The following ADGRE3 variants were observed in gnomAD, a reference collection of about 807,000 sequenced individuals.
ADGRE3 encodes the protein adhesion G protein-coupled receptor E3.
In ADGRE3, 88 loss-of-function variants were observed where a neutral mutation model predicts 80.1. The observed-to-expected ratio is 1.10, with a 90% CI of 0.93 to 1.31. The LOEUF is 1.31. Ranked by LOEUF, ADGRE3 falls within the 40% of genes most tolerant of loss-of-function variation. The pLI, the probability that ADGRE3 is intolerant of heterozygous loss-of-function variation, is 0.00. For synonymous variants in ADGRE3, 281 were observed against 294.8 expected (o/e 0.95, Z 0.48); for missense variants, 715 against 776.5 (o/e 0.92, Z 0.94).
chr19:14,612,946 GAC>G, the ADGRE3 span, among the ~76,000 whole-genome samples: 79 of 147,726 alleles, frequency 5.3e-4, 1 homozygote, highest in Non-Finnish European at 1.0e-4. Flanking sequence ...TTTTTTTTGT[GAC>G]AGAGTCTTGC....
chr19:14,611,253 A>G, the ADGRE3 span: 1 of 151,968 alleles, frequency 6.6e-6, no homozygotes, highest in East Asian at 1.9e-4. Context: ...CAAATAACCC[A>G]GAAACCATCA....
chr19:14,670,606 C>T (rs8112777), intron 1 of ADGRE3, among the ~76,000 whole-genome samples: 9,725 of 152,212 alleles, frequency 0.064, 391 homozygotes, highest in East Asian at 0.15. Context: ...TTCCAACATC[C>T]GATGATGTCA....
At chr19:14,663,323 C>T in intron 3 of ADGRE3, 95 bp downstream of exon 3, 1 of 751,788 alleles carries the variant, frequency 1.3e-6, no homozygotes, top group South Asian at 3.6e-5. Flanking sequence ...TTTGATCATG[C>T]CACAGCAGTC....
intron 5 of ADGRE3, among the ~76,000 whole-genome samples, chr19:14,655,984 C>T (rs760705189): frequency 6.6e-6 from 1 of 151,748 alleles, no homozygotes; most frequent in Non-Finnish European, 1.5e-5. Flanking sequence ...TGTCATCTTG[C>T]GCCAAGATGA....
At chr19:14,670,147 GC>G (rs1187860912) in intron 1 of ADGRE3, among the ~76,000 whole-genome samples, 1 of 152,190 alleles carries the variant, frequency 6.6e-6, no homozygotes, top group Non-Finnish European at 1.5e-5. Flanking sequence ...GGCGGTTCTA[GC>G]TTGATGGTCT....
chr19:14,637,393 C>CTTTTTTTTTTTT (rs34233724), intron 11 of ADGRE3, among the ~76,000 whole-genome samples: 1 of 127,604 alleles, frequency 7.8e-6, no homozygotes, highest in Non-Finnish European at 1.6e-5. Flanking sequence ...TTTTTAAGCT[C>CTTTTTTTTTTTT]TTTTTTTTTT....
intron 4 of ADGRE3, among the ~76,000 whole-genome samples, chr19:14,661,761 G>A (rs766926047): frequency 2.0e-5 from 3 of 152,142 alleles, no homozygotes; most frequent in Non-Finnish European, 4.4e-5. Context: ...TTAGCTGGGC[G>A]TCGTGGTGCA....
downstream of ADGRE3, among the ~76,000 whole-genome samples, chr19:14,618,139 T>A (rs893627538): frequency 6.6e-6 from 1 of 152,190 alleles, no homozygotes; most frequent in Admixed American, 6.5e-5. Context: ...AAAATATATA[T>A]ATTTATCATG....
chr19:14,607,002 G>A, the ADGRE3 span: 2 of 1,285,026 alleles, frequency 1.6e-6, no homozygotes, highest in Non-Finnish European at 9.9e-7. Context: ...GAATTTTGTG[G>A]CCAAGGCCCA....
At chr19:14,640,227 C>T (rs1289729309) in intron 10 of ADGRE3, among the ~76,000 whole-genome samples, 1 of 152,084 alleles carries the variant, frequency 6.6e-6, no homozygotes, top group Non-Finnish European at 1.5e-5. Context: ...TTCCTCATAC[C>T]TATTCTCTTC....
chr19:14,645,758 G>A (rs936095896), intron 8 of ADGRE3, among the ~76,000 whole-genome samples: 1 of 152,224 alleles, frequency 6.6e-6, no homozygotes, highest in African/African-American at 2.4e-5. Flanking sequence ...GGTTGCTTGA[G>A]GCCAGGAGTT....
chr19:14,661,904 C>G, intron 4 of ADGRE3, 59 bp downstream of exon 4: 2 of 1,570,322 alleles, frequency 1.3e-6, no homozygotes, highest in Non-Finnish European at 1.7e-6. Flanking sequence ...CAAAACAAAA[C>G]AAACAAACAA....
At chr19:14,658,479 C>A in intron 5 of ADGRE3, 34 bp downstream of exon 5, 1 of 1,498,592 alleles carries the variant, frequency 6.7e-7, no homozygotes, top group Non-Finnish European at 8.9e-7. Context: ...ATGTTTGTTA[C>A]CTGGGAAGGG....
downstream of ADGRE3, among the ~76,000 whole-genome samples, chr19:14,616,732 G>A (rs2075077012): frequency 6.6e-6 from 1 of 151,454 alleles, no homozygotes; most frequent in Admixed American, 6.6e-5. Context: ...TGCAGTGGTT[G>A]AACAGTGAGG....
chr19:14,612,447 G>T, the ADGRE3 span, among the ~76,000 whole-genome samples: 2 of 151,924 alleles, frequency 1.3e-5, no homozygotes, highest in Non-Finnish European at 2.9e-5. Context: ...GCATCCTCCC[G>T]CCTCAGCCTC....
At chr19:14,638,591 T>C (rs1971166232) in intron 10 of ADGRE3, among the ~76,000 whole-genome samples, 1 of 151,934 alleles carries the variant, frequency 6.6e-6, no homozygotes, top group Non-Finnish European at 1.5e-5. Flanking sequence ...CTCAATTATA[T>C]TTAAAAAAAT....
At chr19:14,652,976 A>G (rs1485670837) in intron 6 of ADGRE3, among the ~76,000 whole-genome samples, 1 of 151,768 alleles carries the variant, frequency 6.6e-6, no homozygotes, top group African/African-American at 2.4e-5. Context: ...GTGTAAGTGA[A>G]TTTATTGTTA....
At position 14,625,561 on chromosome 19, in the gene ADGRE3, T is replaced by C. The variant is rs1970716186; in HGVS notation, c.1851A>G (p.Val617=). ...ATGTCTCAGACTCAGATTTTGATTT[T>C]ACGATCTCTCTAAACCACTTTTGAT... ...KQYQKWFREI[V]KSKSESETYT... The change falls in exon 15 of 16, where the codon GTA becomes GTG. Residue 617 remains valine, a synonymous_variant. Coordinates refer to ENST00000253673, the MANE Select transcript of ADGRE3 (RefSeq NM_032571.5). The C allele has an allele frequency of 1.2e-6, 2 of 1,613,990 alleles. No individual in the cohort carries two copies. The highest frequency in any genetic ancestry group is 4.5e-5 in the East Asian group (2 of 44,872).
chr19:14,664,130 C>T (rs1334563937), intron 2 of ADGRE3, among the ~76,000 whole-genome samples: 9 of 152,090 alleles, frequency 5.9e-5, no homozygotes, highest in Non-Finnish European at 1.2e-4. Flanking sequence ...GGTGAAACCC[C>T]GTCTCTACTA....
Sources: allele counts gnomAD v4.1 joint callset (sites outside exome capture counted in the v4.1 genomes callset), GRCh38; gene constraint gnomAD v4.1.1; transcripts MANE v1.5; gene names NCBI Gene and HGNC (gene_info 2026-07-23, HGNC 2026-07-21).